Variants in NSRP1 observed in about 807,000 individuals in gnomAD.
NSRP1 encodes nuclear speckle splicing regulatory protein 1, also known as coiled-coil domain containing 55.
In NSRP1, 24 loss-of-function variants were observed where a neutral mutation model predicts 54.7. The ratio of observed to expected loss-of-function variants is 0.44; its 90% CI spans 0.32 to 0.62. NSRP1 has a LOEUF of 0.62. Ranked by LOEUF, NSRP1 falls within the 20% of genes least tolerant of loss-of-function variation. The pLI, the probability that NSRP1 is intolerant of heterozygous loss-of-function variation, is 0.06. For synonymous variants in NSRP1, 210 were observed against 213.8 expected (o/e 0.98, Z 0.15); for missense variants, 596 against 651.2 (o/e 0.92, Z 0.92).
intron 2 of NSRP1, among the ~76,000 whole-genome samples, chr17:30,130,791 C>G (rs2071692533): frequency 1.3e-5 from 2 of 152,220 alleles, no homozygotes; most frequent in South Asian, 4.1e-4. Context: ...TTCTTTTTCT[C>G]TAAATATTTA....
intron 2 of NSRP1, among the ~76,000 whole-genome samples, chr17:30,139,672 G>A (rs946431708): frequency 6.6e-6 from 1 of 151,920 alleles, no homozygotes; most frequent in Non-Finnish European, 1.5e-5. Flanking sequence ...TGAAATGGGG[G>A]TAGTCCTTGG....
At chr17:30,139,166 C>G (rs938914607) in intron 2 of NSRP1, among the ~76,000 whole-genome samples, 1 of 149,846 alleles carries the variant, frequency 6.7e-6, no homozygotes, top group Admixed American at 6.6e-5. Context: ...ATCCAACCGC[C>G]TCAGCCTCCC....
chr17:30,138,877 A>G (rs1212837715), intron 2 of NSRP1, among the ~76,000 whole-genome samples: 1 of 140,528 alleles, frequency 7.1e-6, no homozygotes, highest in East Asian at 2.4e-4. Flanking sequence ...TAGCTATCCT[A>G]AGGGGTATGA....
At chr17:30,147,068 T>C (rs1233371157) in intron 2 of NSRP1, among the ~76,000 whole-genome samples, 1 of 152,182 alleles carries the variant, frequency 6.6e-6, no homozygotes, top group East Asian at 1.9e-4. Context: ...CTGAAGTTTT[T>C]CCATTAAGTT....
At chr17:30,165,436 G>C (rs1904695797) in intron 2 of NSRP1, among the ~76,000 whole-genome samples, 2 of 152,152 alleles carry the variant, frequency 1.3e-5, no homozygotes, top group East Asian at 3.9e-4. Flanking sequence ...TTAGGTAAAG[G>C]GTACACAGTA....
chr17:30,171,976 C>CCCTCTCTCTCT (rs1904959777), intron 2 of NSRP1, among the ~76,000 whole-genome samples: 4 of 80,352 alleles, frequency 5.0e-5, no homozygotes, highest in Non-Finnish European at 1.0e-4. Context: ...ACACACACTC[C>CCCTCTCTCTCT]CTCTCTCTCT....
At chr17:30,153,192 C>T (rs2071930500) in intron 2 of NSRP1, among the ~76,000 whole-genome samples, 1 of 152,184 alleles carries the variant, frequency 6.6e-6, no homozygotes, top group East Asian at 1.9e-4. Context: ...GCTGGGATTA[C>T]AGGCATAAGC....
At chr17:30,154,214 G>A (rs1243218429) in intron 2 of NSRP1, among the ~76,000 whole-genome samples, 3 of 152,026 alleles carry the variant, frequency 2.0e-5, no homozygotes, top group East Asian at 1.9e-4. Context: ...CCAGCTACTC[G>A]GGAGGCTGAG....
chr17:30,174,908 T>C (rs1905076490), intron 3 of NSRP1, among the ~76,000 whole-genome samples: 1 of 152,220 alleles, frequency 6.6e-6, no homozygotes, highest in African/African-American at 2.4e-5. Flanking sequence ...TGAAGATTTT[T>C]GCATCATAAG....
chr17:30,141,008 A>G (rs917792158), intron 2 of NSRP1, among the ~76,000 whole-genome samples: 4 of 152,022 alleles, frequency 2.6e-5, no homozygotes, highest in African/African-American at 9.7e-5. Flanking sequence ...TTTTGTAGAG[A>G]TGAGGTCTTG....
intron 2 of NSRP1, among the ~76,000 whole-genome samples, chr17:30,160,331 G>A (rs1904470511): frequency 6.6e-6 from 1 of 152,226 alleles, no homozygotes; most frequent in Non-Finnish European, 1.5e-5. Context: ...GAATGAGTTA[G>A]GAAGAATTCC....
chr17:30,157,109 A>T (rs750004534), intron 2 of NSRP1, among the ~76,000 whole-genome samples: 1 of 152,150 alleles, frequency 6.6e-6, no homozygotes, highest in Non-Finnish European at 1.5e-5. Context: ...ATTCCCACCT[A>T]CAGTGTATGA....
At chr17:30,125,885 G>A (rs750617938) in intron 2 of NSRP1, 3 of 152,130 alleles carry the variant, frequency 2.0e-5, no homozygotes, top group African/African-American at 4.8e-5. Context: ...GAATAAGTTA[G>A]AAATAATTAT....
At chr17:30,152,006 T>C (rs2071916251) in intron 2 of NSRP1, among the ~76,000 whole-genome samples, 1 of 151,936 alleles carries the variant, frequency 6.6e-6, no homozygotes, top group South Asian at 2.1e-4. Context: ...TGACCTCAGG[T>C]GATCTACCTG....
intron 2 of NSRP1, among the ~76,000 whole-genome samples, chr17:30,167,481 C>T (rs776760164): frequency 1.3e-5 from 2 of 151,798 alleles, no homozygotes; most frequent in East Asian, 1.9e-4. Context: ...TGGTGGTGTG[C>T]GCCTGTATTC....
In NSRP1 at chr17:30,181,021, G is replaced by A. The variant is rs370521651; in HGVS notation, c.617+5G>A. The A allele has an allele frequency of 2.6e-4, 396 of 1,541,422 alleles. No homozygotes were observed. The highest frequency in any genetic ancestry group is 3.2e-4 in the Non-Finnish European group (362 of 1,114,128). On this transcript the variant is annotated splice_donor_5th_base_variant and intron_variant, in intron 6 of 6. Transcript: ENST00000247026. The stretch of plus-strand genomic sequence containing the variant: ...ATGCAGCTTTCGTGAAGCCAGGTGA[G>A]GAGACGTGTATGAAATATTTTGAAG...
Position 30,146,445 on chromosome 17 carries a change from T to C in NSRP1, c.115-26097T>C, listed in dbSNP as rs956376456. On this transcript the variant is annotated intron_variant, in intron 2 of 6. Coordinates refer to ENST00000247026, the MANE Select transcript of NSRP1 (RefSeq NM_032141.4). ...GGTCTTGCTATCTTGCCCATGCTGG[T>C]CTCAAACTCCTGGGCTCAAGTAGTC... Among the ~76,000 whole-genome samples the C allele has an allele frequency of 1.7e-4, 26 of 152,198 alleles. 1 individual carries two copies. The highest frequency in any genetic ancestry group is 5.5e-4 in the African/African-American group (23 of 41,450).
Position 30,152,330 on chromosome 17 carries a change from G to A in NSRP1, c.115-20212G>A, listed in dbSNP as rs184159866. ...AGACAGGGTTTCATTCTGTTCGCCAGGCTGGTCTTGAACTCCTGACCTCAT... is the reference window on the plus strand; with the variant it reads ...AGACAGGGTTTCATTCTGTTCGCCAAGCTGGTCTTGAACTCCTGACCTCAT... On this transcript the variant is annotated intron_variant, in intron 2 of 6. Coordinates refer to ENST00000247026, the MANE Select transcript of NSRP1 (RefSeq NM_032141.4). 3.3e-5 allele frequency among the ~76,000 whole-genome samples: 5 copies of A among 151,834 alleles called. No homozygotes were observed. The East Asian group carries it at 5.8e-4, about 18-fold the overall frequency.
chr17:30,162,620 C>T (rs1387064731), intron 2 of NSRP1, among the ~76,000 whole-genome samples: 1 of 152,078 alleles, frequency 6.6e-6, no homozygotes, highest in Non-Finnish European at 1.5e-5. Flanking sequence ...TAGCTAAGAG[C>T]CATTTTGGAT....
Sources: allele counts gnomAD v4.1 joint callset (sites outside exome capture counted in the v4.1 genomes callset), GRCh38; gene constraint gnomAD v4.1.1; transcripts MANE v1.5; gene names NCBI Gene and HGNC (gene_info 2026-07-23, HGNC 2026-07-21).